Variants in ATRN observed in about 807,000 individuals in gnomAD.
ATRN encodes the protein attractin, also known as attractin-2.
Under a neutral mutation model 178.7 loss-of-function variants are expected in ATRN, and 54 were observed. The observed-to-expected ratio is 0.30, with a 90% CI of 0.24 to 0.38. The LOEUF (loss-of-function observed/expected upper bound fraction) is 0.38. Among genes scored for constraint, ATRN ranks in the 10% least tolerant of loss-of-function variants. The probability of loss-of-function intolerance (pLI) is 1.00; values close to 1 mark genes in which losing one functional copy is unlikely to be tolerated. For synonymous variants in ATRN, 636 were observed against 663.0 expected, an observed-to-expected ratio of 0.96 and a Z score of 0.63; for missense variants, 1,443 against 1,815.1, an observed-to-expected ratio of 0.79 and a Z score of 3.73.
chr20:3,478,921 CT>C lies in ATRN; in HGVS notation c.410+7424del, dbSNP rs71331052. Among the ~76,000 whole-genome samples the C allele has an allele frequency of 7.5e-3, 951 of 126,008 alleles. 4 individuals carry two copies. Among genetic ancestry groups the C allele is most frequent in the Middle Eastern group, 0.019 (4 of 210 alleles). 82.7% of individuals were successfully genotyped at this position (126,008 alleles called of 152,430 possible). On this transcript the variant is annotated intron_variant, in intron 1 of 28. Transcript: ENST00000262919. ...TTCTCTATAATCTATAATTCATACC[CT>C]TTTTTTTTTTTTTTTTTTTGAGAGA...
In ATRN at chr20:3,562,282, A is replaced by G. The variant is rs2085963761; in HGVS notation, c.1454A>G (p.Asn485Ser). The G allele has an allele frequency of 6.2e-7, 1 of 1,611,626 alleles. No individual in the cohort carries two copies. Among genetic ancestry groups the G allele is most frequent in the Non-Finnish European group, 8.5e-7 (1 of 1,178,738 alleles). ...SNVQEYDLDK[N>S]TWSILHTQGA... ...AACTGTCTTTCCTTTCCAGATAAGA[A>G]CACATGGAGTATATTACACACCCAG... Residue 485 changes from asparagine to serine, a missense_variant, in exon 9 of 29, where the codon AAC (asparagine) becomes AGC (serine). Coordinates refer to ENST00000262919, the MANE Select transcript of ATRN (RefSeq NM_139321.3).
In ATRN at chr20:3,576,014, G is replaced by A. The variant is rs534332826; in HGVS notation, c.2214+66G>A. 95 of 1,509,902 alleles carry A rather than the reference G, an allele frequency of 6.3e-5. No homozygotes were observed. In the East Asian group the frequency reaches 1.9e-3, roughly 30 times the overall value. The allele number at this position is 1,509,902 out of a possible 1,614,324, so 93.5% of individuals were successfully genotyped here. A position where few individuals can be genotyped will look rare whatever the true frequency, so the allele number is the denominator to read the frequency against. On this transcript the variant is annotated intron_variant, in intron 13 of 28. Transcript: ENST00000262919. ...TTGTCATAGGTTTAGCTTTTATAGT[G>A]TATATGGTATAAATAATGGCCCAGA...
chr20:3,571,901 G>A (rs977014472), intron 11 of ATRN, among the ~76,000 whole-genome samples: 1 of 151,320 alleles, frequency 6.6e-6, no homozygotes, highest in African/African-American at 2.4e-5. Flanking sequence ...TTCACTCTTA[G>A]GTTATAGAGA....
intron 1 of ATRN, among the ~76,000 whole-genome samples, chr20:3,522,513 C>T (rs2085309051): frequency 6.6e-6 from 1 of 152,190 alleles, no homozygotes; most frequent in Non-Finnish European, 1.5e-5. Flanking sequence ...ACATTCCTGC[C>T]TGCCGGCTCT....
chr20:3,500,417 C>T (rs2084942727), intron 1 of ATRN, among the ~76,000 whole-genome samples: 1 of 151,738 alleles, frequency 6.6e-6, no homozygotes, highest in Admixed American at 6.6e-5. Flanking sequence ...TTCACAATAG[C>T]AAAGACTTGG....
At chr20:3,510,904 T>C (rs2085117653) in intron 1 of ATRN, among the ~76,000 whole-genome samples, 1 of 152,218 alleles carries the variant, frequency 6.6e-6, no homozygotes, top group Non-Finnish European at 1.5e-5. Flanking sequence ...AAAGTAATTT[T>C]AATACTCTCT....
chr20:3,570,890 T>C (rs1327927014), intron 11 of ATRN, among the ~76,000 whole-genome samples: 2 of 152,252 alleles, frequency 1.3e-5, no homozygotes, highest in Non-Finnish European at 2.9e-5. Context: ...TCTAGGTTTT[T>C]TAAGAAGGCA....
At chr20:3,505,201 A>G (rs2085024820) in intron 1 of ATRN, among the ~76,000 whole-genome samples, 1 of 152,198 alleles carries the variant, frequency 6.6e-6, no homozygotes, top group South Asian at 2.1e-4. Context: ...GGGCGTAGAT[A>G]GAACAAAAAG....
intron 24 of ATRN, among the ~76,000 whole-genome samples, chr20:3,615,384 G>A (rs949235091): frequency 1.3e-5 from 2 of 148,458 alleles, no homozygotes; most frequent in African/African-American, 5.0e-5. Flanking sequence ...AGCCAAGATT[G>A]CACCACTGTA....
chr20:3,615,099 A>G (rs2086824274), intron 24 of ATRN, among the ~76,000 whole-genome samples: 2 of 152,174 alleles, frequency 1.3e-5, no homozygotes, highest in African/African-American at 4.8e-5. Flanking sequence ...TTGTATAATA[A>G]CAGTGCATAT....
intron 27 of ATRN, among the ~76,000 whole-genome samples, chr20:3,641,607 A>G (rs2087068954): frequency 6.6e-6 from 1 of 151,028 alleles, no homozygotes; most frequent in African/African-American, 2.4e-5. Flanking sequence ...AAAAAAAAAA[A>G]AAAAAAAAGG....
At chr20:3,472,208 G>C (rs1371433137) in intron 1 of ATRN, among the ~76,000 whole-genome samples, 1 of 152,192 alleles carries the variant, frequency 6.6e-6, no homozygotes, top group Non-Finnish European at 1.5e-5. Flanking sequence ...GTTTGGGGCA[G>C]TTCCTCTTGG....
At chr20:3,628,906 A>G (rs998471437) in intron 25 of ATRN, 31 of 984,186 alleles carry the variant, frequency 3.1e-5, no homozygotes, top group Non-Finnish European at 3.7e-5. Context: ...CCAGACCTTG[A>G]CCCTGGCCGT....
intron 1 of ATRN, among the ~76,000 whole-genome samples, chr20:3,493,270 C>T (rs1600026256): frequency 1.3e-5 from 2 of 151,264 alleles, no homozygotes; most frequent in East Asian, 3.9e-4. Flanking sequence ...CCTTCCACCT[C>T]AGCCTCCTGA....
rs1020117061 is a variant in ATRN, at chr20:3,584,953, G to A, written c.3184+73G>A. ...TGAAGAATAAAACCTTGAAAGCTAC[G>A]TTGTGTATATGTAACTCCCTGCCCT... On this transcript the variant is annotated intron_variant, in intron 18 of 28. Coordinates refer to ENST00000262919, the MANE Select transcript of ATRN (RefSeq NM_139321.3). 3.3e-5 allele frequency: 46 copies of A among 1,413,974 alleles called. No homozygotes were observed. In the African/African-American group the frequency reaches 3.5e-4, roughly 11 times the overall value. 87.6% of individuals were successfully genotyped at this position (1,413,974 alleles called of 1,614,324 possible). A position where few individuals can be genotyped will look rare whatever the true frequency, so the allele number is the denominator to read the frequency against.
chr20:3,646,691 C>T (rs1191966602), intron 28 of ATRN, 32 bp from the exon 29 acceptor site: 3 of 1,545,248 alleles, frequency 1.9e-6, no homozygotes, highest in African/African-American at 1.4e-5. Flanking sequence ...CCAGCTGCTC[C>T]CAGCATATGT....
At chr20:3,569,518 A>G (rs1048043199) in intron 11 of ATRN, among the ~76,000 whole-genome samples, 1 of 152,210 alleles carries the variant, frequency 6.6e-6, no homozygotes, top group Non-Finnish European at 1.5e-5. Context: ...TGTTCTGGGG[A>G]GGTCTGTGAG....
intron 27 of ATRN, 103 bp from the exon 28 acceptor site, chr20:3,644,051 A>G (rs1210108981): frequency 1.2e-5 from 10 of 826,826 alleles, no homozygotes. Flanking sequence ...CCTTTTTTAT[A>G]TACCTGAAAT....
intron 1 of ATRN, among the ~76,000 whole-genome samples, chr20:3,529,831 A>G (rs183450629): frequency 1.6e-4 from 25 of 152,334 alleles, no homozygotes. Flanking sequence ...TTTGGTTGGA[A>G]GGAATCAAAT....
Sources: allele counts gnomAD v4.1 joint callset (sites outside exome capture counted in the v4.1 genomes callset), GRCh38; gene constraint gnomAD v4.1.1; transcripts MANE v1.5; gene names NCBI Gene and HGNC (gene_info 2026-07-23, HGNC 2026-07-21).